The following PEX5L variants were observed in gnomAD, a reference collection of about 807,000 sequenced individuals.
PEX5L encodes peroxisomal biogenesis factor 5 like.
A neutral mutation model predicts 84.0 loss-of-function variants in PEX5L; 30 were observed. That is an observed-to-expected ratio of 0.36 (90% confidence interval 0.27 to 0.48). PEX5L has a LOEUF of 0.48. Among genes scored for constraint, PEX5L ranks in the 20% least tolerant of loss-of-function variants. The pLI is 0.99. For synonymous variants in PEX5L, 270 were observed against 283.1 expected, an observed-to-expected ratio of 0.95 and a Z score of 0.46; for missense variants, 533 against 754.6, an observed-to-expected ratio of 0.71 and a Z score of 3.44.
At chr3:179,813,663 A>G (rs1724792012) in intron 10 of PEX5L, among the ~76,000 whole-genome samples, 1 of 108,880 alleles carries the variant, frequency 9.2e-6, no homozygotes. Context: ...CCACTCAACT[A>G]ATTTTTTTTT....
At chr3:179,948,434 G>A (rs1344756199) in intron 2 of PEX5L, among the ~76,000 whole-genome samples, 1 of 152,200 alleles carries the variant, frequency 6.6e-6, no homozygotes, top group Non-Finnish European at 1.5e-5. Flanking sequence ...TCAGCAAGAT[G>A]AGAAATTATC....
intron 14 of PEX5L, among the ~76,000 whole-genome samples, chr3:179,802,549 A>G (rs932378061): frequency 1.4e-5 from 2 of 147,180 alleles, no homozygotes; most frequent in African/African-American, 2.6e-5. Context: ...AAAAAAAAAA[A>G]AAAAAGAAAA....
intron 2 of PEX5L, among the ~76,000 whole-genome samples, chr3:179,968,648 T>A (rs1223046397): frequency 6.6e-6 from 1 of 151,796 alleles, no homozygotes; most frequent in Non-Finnish European, 1.5e-5. Flanking sequence ...AGATTTCTGG[T>A]GGAAAATATG....
intron 4 of PEX5L, among the ~76,000 whole-genome samples, chr3:179,880,689 C>G (rs975948112): frequency 2.0e-5 from 3 of 152,198 alleles, no homozygotes; most frequent in Non-Finnish European, 4.4e-5. Context: ...CATGTTAATG[C>G]CTTTGCTGTT....
intron 1 of PEX5L, among the ~76,000 whole-genome samples, chr3:180,013,313 G>A (rs993179588): frequency 6.6e-6 from 1 of 152,028 alleles, no homozygotes; most frequent in Non-Finnish European, 1.5e-5. Context: ...TCAATACTTC[G>A]TTTTTCTCAT....
intron 1 of PEX5L, among the ~76,000 whole-genome samples, chr3:180,005,322 A>G (rs1452855102): frequency 6.6e-6 from 1 of 152,020 alleles, no homozygotes; most frequent in Non-Finnish European, 1.5e-5. Context: ...GTACAGTGGT[A>G]CAATCATATC....
chr3:179,855,994 A>G (rs1743799551), intron 8 of PEX5L, among the ~76,000 whole-genome samples: 1 of 152,222 alleles, frequency 6.6e-6, no homozygotes, highest in African/African-American at 2.4e-5. Context: ...TCAGAATACA[A>G]ACTCTGGAGT....
chr3:179,842,916 T>C (rs1737832597), intron 8 of PEX5L, among the ~76,000 whole-genome samples: 1 of 151,998 alleles, frequency 6.6e-6, no homozygotes, highest in Non-Finnish European at 1.5e-5. Flanking sequence ...AGAATTTAGT[T>C]AGGAGTGAAA....
intron 5 of PEX5L, 51 bp from the exon 6 acceptor site, chr3:179,875,528 GGGGGAGCGGTGGC>G: frequency 6.7e-7 from 1 of 1,501,586 alleles, no homozygotes; most frequent in Non-Finnish European, 9.2e-7. Context: ...GGGCGGGGTA[GGGGGAGCGGTGGC>G]GGGGAGTGGG....
intron 3 of PEX5L, among the ~76,000 whole-genome samples, chr3:179,896,577 G>GA (rs758628514): frequency 4.6e-5 from 7 of 152,076 alleles, no homozygotes; most frequent in Non-Finnish European, 8.8e-5. Flanking sequence ...TTGGACATGT[G>GA]AAAAGATTAT....
intron 2 of PEX5L, among the ~76,000 whole-genome samples, chr3:179,958,364 A>G (rs146535500): frequency 6.6e-6 from 1 of 152,312 alleles, no homozygotes; most frequent in Non-Finnish European, 1.5e-5. Flanking sequence ...GGGTTGTGCA[A>G]CACAGCAGCC....
At chr3:179,839,112 T>C (rs896506978) in intron 8 of PEX5L, among the ~76,000 whole-genome samples, 5 of 152,142 alleles carry the variant, frequency 3.3e-5, no homozygotes, top group African/African-American at 1.2e-4. Flanking sequence ...AGATGCAATG[T>C]TACTGATTTT....
intron 1 of PEX5L, among the ~76,000 whole-genome samples, 165 bp downstream of exon 1, chr3:180,036,414 G>T (rs376657109): frequency 3.9e-5 from 6 of 152,138 alleles, no homozygotes; most frequent in African/African-American, 1.4e-4. Flanking sequence ...TTCGGAAACC[G>T]GTCTAGTTTT....
intron 5 of PEX5L, among the ~76,000 whole-genome samples, chr3:179,877,124 T>C (rs1285268078): frequency 6.6e-6 from 1 of 152,238 alleles, no homozygotes; most frequent in African/African-American, 2.4e-5. Flanking sequence ...TTTCAGATTT[T>C]CGAATTAGGG....
At chr3:179,881,980 G>A (rs954132660) in intron 4 of PEX5L, among the ~76,000 whole-genome samples, 1 of 152,054 alleles carries the variant, frequency 6.6e-6, no homozygotes, top group Admixed American at 6.5e-5. Flanking sequence ...TAAAATGTAA[G>A]CATGGCAGAC....
intron 9 of PEX5L, among the ~76,000 whole-genome samples, chr3:179,816,675 G>A (rs1453860381): frequency 6.6e-6 from 1 of 152,012 alleles, no homozygotes; most frequent in Non-Finnish European, 1.5e-5. Context: ...ACCATGGCAC[G>A]TGTATACCTA....
rs397967053 is a variant in PEX5L, at chr3:179,955,478, C to CTTTT, written c.93+16112_93+16115dup. On this transcript the variant is annotated intron_variant, in intron 2 of 14. Transcript: ENST00000467460. Reference sequence around the variant, plus strand: ...GACTCACTATGAGTTCTGCTATGCTCTTTTTTTTTTTTTTTTTTTTCAAAA... The same window carrying CTTTT: ...GACTCACTATGAGTTCTGCTATGCTCTTTTTTTTTTTTTTTTTTTTTTTTCAAAA... 5.4e-4 allele frequency among the ~76,000 whole-genome samples: 29 copies of CTTTT among 53,738 alleles called. 1 individual carries two copies. Among genetic ancestry groups the CTTTT allele is most frequent in the African/African-American group, 2.0e-3 (25 of 12,666 alleles). 35.3% of individuals were successfully genotyped at this position (53,738 alleles called of 152,430 possible).
At chr3:180,024,679 T>G (rs1036913588) in intron 1 of PEX5L, among the ~76,000 whole-genome samples, 1 of 151,504 alleles carries the variant, frequency 6.6e-6, no homozygotes, top group Non-Finnish European at 1.5e-5. Context: ...AAAAGCTGCA[T>G]GTGTGTGTGT....
chr3:179,857,843 T>C (rs184301313), intron 8 of PEX5L, among the ~76,000 whole-genome samples: 234 of 152,342 alleles, frequency 1.5e-3, no homozygotes, highest in Admixed American at 3.4e-3. Flanking sequence ...TTTGAACAAT[T>C]TGATTGAACT....
Sources: gnomAD v4.1 joint callset for allele counts (sites outside exome capture counted in the v4.1 genomes callset) on GRCh38, gnomAD v4.1.1 for gene constraint, MANE v1.5 for transcripts, NCBI Gene and HGNC (gene_info 2026-07-23, HGNC 2026-07-21) for gene names.